Variants in MAD1L1 observed in about 807,000 individuals in gnomAD.
MAD1L1 encodes the protein mitotic arrest deficient 1 like 1.
MAD1L1 carries 95 observed loss-of-function variants against 96.9 expected under a neutral mutation model. The observed-to-expected ratio is 0.98, with a 90% CI of 0.83 to 1.16. The LOEUF (loss-of-function observed/expected upper bound fraction) is 1.16, where lower values mean the gene tolerates loss of function less well. Ranked by LOEUF, MAD1L1 falls within the 50% of genes most tolerant of loss-of-function variation. The pLI, the probability that MAD1L1 is intolerant of heterozygous loss-of-function variation, is 0.00. For missense variants in MAD1L1, 1,007 were observed against 954.4 expected, an observed-to-expected ratio of 1.06 and a Z score of -0.73; for synonymous variants, 473 against 396.6, an observed-to-expected ratio of 1.19 and a Z score of -2.29.
chr7:2,206,423 T>C (rs999174772), intron 10 of MAD1L1, among the ~76,000 whole-genome samples: 2 of 152,248 alleles, frequency 1.3e-5, no homozygotes, highest in African/African-American at 4.8e-5. Context: ...CTTCCAGATT[T>C]TGTGACTTTT....
intron 12 of MAD1L1, among the ~76,000 whole-genome samples, chr7:2,031,028 C>T (rs976377251): frequency 3.3e-5 from 5 of 152,350 alleles, no homozygotes; most frequent in East Asian, 1.9e-4. Context: ...CGACTGGATT[C>T]GGAGGAGCCC....
chr7:1,895,076 G>A (rs1275730517), intron 18 of MAD1L1, among the ~76,000 whole-genome samples: 1 of 152,172 alleles, frequency 6.6e-6, no homozygotes, highest in Non-Finnish European at 1.5e-5. Context: ...CCACATCTGG[G>A]GAACCCAGGA....
intron 10 of MAD1L1, among the ~76,000 whole-genome samples, chr7:2,162,143 A>AGAAAAGGGGGAAATGTGGG (rs1197280926): frequency 6.6e-6 from 1 of 152,224 alleles, no homozygotes; most frequent in Admixed American, 6.5e-5. Context: ...TTTGTCGAAT[A>AGAAAAGGGGGAAATGTGGG]GAAAAGGGGG....
intron 10 of MAD1L1, among the ~76,000 whole-genome samples, chr7:2,163,738 C>G (rs1407132168): frequency 1.3e-5 from 2 of 152,144 alleles, no homozygotes; most frequent in Non-Finnish European, 2.9e-5. Context: ...TCGACACTCT[C>G]CTAGGCAAGC....
chr7:1,819,351 G>A (rs1045946703), intron 18 of MAD1L1, among the ~76,000 whole-genome samples: 24 of 152,132 alleles, frequency 1.6e-4, no homozygotes, highest in African/African-American at 5.5e-4. Context: ...CGCACATAGC[G>A]GCCCTGTGGC....
intron 17 of MAD1L1, among the ~76,000 whole-genome samples, chr7:1,915,970 G>A (rs1403881606): frequency 1.3e-5 from 2 of 152,214 alleles, no homozygotes; most frequent in Non-Finnish European, 2.9e-5. Context: ...AAAATGATGA[G>A]AACACAATCC....
In MAD1L1 at chr7:2,103,349, C is replaced by T. The variant is rs1364781244; in HGVS notation, c.1074-34011G>A. Among the ~76,000 whole-genome samples, 1 of 152,180 alleles carries T rather than the reference C, an allele frequency of 6.6e-6. No individual in the cohort carries two copies. Among genetic ancestry groups the T allele is most frequent in the Non-Finnish European group, 1.5e-5 (1 of 68,026 alleles). ...GCACTCAGTGAAGGCCTGGGCCTGCCTGCCCCGCCGCTCAGTAGACGGCAC... is the reference window on the plus strand; with the variant it reads ...GCACTCAGTGAAGGCCTGGGCCTGCTTGCCCCGCCGCTCAGTAGACGGCAC... On this transcript the variant is annotated intron_variant, in intron 11 of 18. Transcript: ENST00000265854. This position sits in a 1 kb window ranked among gnomAD's most constrained non-coding sequence, Gnocchi z 4.3.
intron 5 of MAD1L1, chr7:2,221,129 C>T: frequency 9.6e-7 from 1 of 1,036,594 alleles, no homozygotes; most frequent in Non-Finnish European, 1.4e-6. Flanking sequence ...ACCTGCAGCG[C>T]CACCATCTTC....
At chr7:1,824,038 G>A (rs1432766970) in intron 18 of MAD1L1, among the ~76,000 whole-genome samples, 1 of 152,154 alleles carries the variant, frequency 6.6e-6, no homozygotes, top group African/African-American at 2.4e-5. Flanking sequence ...CCATGAGGAT[G>A]GGGTGTCCTG....
chr7:2,009,922 A>G (rs538442786), intron 13 of MAD1L1, among the ~76,000 whole-genome samples: 1 of 152,138 alleles, frequency 6.6e-6, no homozygotes, highest in Admixed American at 6.5e-5. Context: ...TGTACTGCAC[A>G]GACGCCCCGT....
intron 10 of MAD1L1, among the ~76,000 whole-genome samples, chr7:2,205,077 A>ATCTTT (rs1199702062): frequency 8.2e-6 from 1 of 121,238 alleles, no homozygotes; most frequent in African/African-American, 3.0e-5. Flanking sequence ...ACCTCACAGG[A>ATCTTT]TCTTTTCTTT....
At chr7:2,113,505 G>A (rs779943727) in intron 11 of MAD1L1, among the ~76,000 whole-genome samples, 10 of 152,104 alleles carry the variant, frequency 6.6e-5, no homozygotes, top group Non-Finnish European at 1.0e-4. Context: ...GCTTGAATTC[G>A]GGAAGCAGAG....
rs138956274 is a variant in MAD1L1 at position 1,856,217 on chromosome 7, T to C, written c.1999-39989A>G. The stretch of plus-strand genomic sequence containing the variant: ...CCACACGTGCCTCTGAATAGGGACA[T>C]GGCTGGACCGGGGAGGGGTGTGCCT... On this transcript the variant is annotated intron_variant, in intron 18 of 18. Transcript: ENST00000265854. Among the ~76,000 whole-genome samples the C allele has an allele frequency of 3.7e-3, 567 of 152,300 alleles. 3 individuals carry two copies. The highest frequency in any genetic ancestry group is 0.013 in the African/African-American group (543 of 41,574).
chr7:1,856,425 C>T (rs1032655108), intron 18 of MAD1L1, among the ~76,000 whole-genome samples: 2 of 152,194 alleles, frequency 1.3e-5, no homozygotes, highest in Non-Finnish European at 2.9e-5. Context: ...CGGCCCCTGC[C>T]GGGGTTGGGG....
chr7:2,085,923 G>T (rs1447568854), intron 11 of MAD1L1, among the ~76,000 whole-genome samples: 1 of 152,160 alleles, frequency 6.6e-6, no homozygotes, highest in African/African-American at 2.4e-5. Flanking sequence ...GGACCACCAG[G>T]TGCGTACGAG....
chr7:1,976,756 A>C (rs1780661390), intron 15 of MAD1L1, among the ~76,000 whole-genome samples: 1 of 152,230 alleles, frequency 6.6e-6, no homozygotes, highest in Non-Finnish European at 1.5e-5. Context: ...ACCTTTAGCT[A>C]GACACAGAGT....
At chr7:2,090,547 G>A (rs908957103) in intron 11 of MAD1L1, among the ~76,000 whole-genome samples, 1 of 152,178 alleles carries the variant, frequency 6.6e-6, no homozygotes, top group Non-Finnish European at 1.5e-5. Flanking sequence ...GTCCTTCAGC[G>A]TCCTTGTTCC....
At chr7:1,906,526 G>A (rs1236583559) in intron 17 of MAD1L1, among the ~76,000 whole-genome samples, 2 of 152,238 alleles carry the variant, frequency 1.3e-5, no homozygotes, top group Non-Finnish European at 2.9e-5. Context: ...TCCAGTCTCT[G>A]GCTCCTGTTC....
intron 10 of MAD1L1, chr7:2,175,487 C>T (rs886619774): frequency 5.9e-5 from 7 of 118,046 alleles, no homozygotes; most frequent in African/African-American, 2.5e-4. Flanking sequence ...TCACATGAAC[C>T]TTTGCCAAAA....
Sources: allele counts gnomAD v4.1 joint callset (sites outside exome capture counted in the v4.1 genomes callset), GRCh38; gene constraint gnomAD v4.1.1; non-coding constraint Gnocchi (gnomAD v3.1); transcripts MANE v1.5; gene names NCBI Gene and HGNC (gene_info 2026-07-23, HGNC 2026-07-21).